AFAP1L2: variants seen among roughly 807,000 people sequenced by gnomAD.
AFAP1L2 encodes actin filament-associated protein 1-like 2.
A neutral mutation model predicts 99.3 loss-of-function variants in AFAP1L2; 46 were observed. The observed-to-expected ratio is 0.46, with a 90% confidence interval of 0.37 to 0.59. The LOEUF is 0.59. Ranked by LOEUF, AFAP1L2 falls within the 20% of genes least tolerant of loss-of-function variation. The pLI is 0.00. For missense variants in AFAP1L2, 959 were observed against 1,034.9 expected (o/e 0.93, Z 1.01); for synonymous variants, 397 against 419.1 (o/e 0.95, Z 0.64).
rs2040767709 is a variant in AFAP1L2, at chr10:114,299,426, A to G, written c.1958-11T>C. 2 of 1,613,544 alleles carry G rather than the reference A, an allele frequency of 1.2e-6. No individual in the cohort carries two copies. The highest frequency in any genetic ancestry group is 8.5e-7 in the Non-Finnish European group (1 of 1,179,710). ...TGCCAAGCTTGATCTCTACAGACCC[A>G]GAGAGGGAAGCCCCAGGTAAGCAGA... is the stretch of plus-strand genomic sequence containing the variant. On this transcript the variant is annotated splice_polypyrimidine_tract_variant and intron_variant, in intron 15 of 18. Transcript: ENST00000304129.
intron 13 of AFAP1L2, 134 bp from the exon 14 acceptor site, chr10:114,300,824 G>C (rs887243520): frequency 1.6e-6 from 2 of 1,266,298 alleles, no homozygotes; most frequent in African/African-American, 3.0e-5. Context: ...CTGCTGGGGG[G>C]GCCACTGGCT....
At chr10:114,290,124 C>T (rs1239015095), downstream of AFAP1L2, 1 of 1,394,138 alleles carries the variant, frequency 7.2e-7, no homozygotes, top group East Asian at 2.6e-5. Context: ...GCTACCGGGG[C>T]AAAGGGAGAC....
At chr10:114,395,533 T>A (rs1353413371) in intron 1 of AFAP1L2, among the ~76,000 whole-genome samples, 1 of 152,176 alleles carries the variant, frequency 6.6e-6, no homozygotes, top group Non-Finnish European at 1.5e-5. Flanking sequence ...AATAAGCTCA[T>A]TCAACAATCT....
the AFAP1L2 span, chr10:114,285,852 C>T: frequency 1.5e-6 from 2 of 1,348,310 alleles, no homozygotes; most frequent in Middle Eastern, 2.6e-4. Context: ...CCATCTCCCT[C>T]CTGGGAGATG....
At chr10:114,347,903 AT>A (rs1189554950) in intron 1 of AFAP1L2, among the ~76,000 whole-genome samples, 1 of 152,196 alleles carries the variant, frequency 6.6e-6, no homozygotes, top group Non-Finnish European at 1.5e-5. Flanking sequence ...GTGTGCAACC[AT>A]TACCACTATC....
chr10:114,303,056 A>T (rs1214584404), intron 11 of AFAP1L2, among the ~76,000 whole-genome samples: 2 of 151,482 alleles, frequency 1.3e-5, no homozygotes, highest in African/African-American at 4.9e-5. Context: ...TGAATTTGGT[A>T]TTTTTTTTTC....
At position 114,295,280 on chromosome 10, in the gene AFAP1L2, A is replaced by C. The variant is rs1262706848; in HGVS notation, c.*762T>G. Reference sequence around the variant, plus strand: ...TAAAGAGTCACTTTAATCTCAAAAGATACTTTTCACTGTTCTAAATGACAG... The same window carrying C: ...TAAAGAGTCACTTTAATCTCAAAAGCTACTTTTCACTGTTCTAAATGACAG... On this transcript the variant is annotated 3_prime_UTR_variant, in exon 19 of 19. Transcript: ENST00000304129. The C allele has an allele frequency of 1.0e-6, 1 of 984,886 alleles. No individual in the cohort carries two copies. The highest frequency in any genetic ancestry group is 1.2e-6 in the Non-Finnish European group (1 of 829,120). 61.0% of individuals were successfully genotyped at this position (984,886 alleles called of 1,614,324 possible).
chr10:114,331,958 T>G, intron 3 of AFAP1L2, 61 bp from the exon 4 acceptor site: 6 of 1,125,700 alleles, frequency 5.3e-6, no homozygotes, highest in Non-Finnish European at 5.7e-6. Context: ...CAGGGTCTCC[T>G]TCCTCAGGAA....
intron 1 of AFAP1L2, among the ~76,000 whole-genome samples, chr10:114,379,056 C>CA (rs11404390): frequency 0.46 from 69,855 of 151,578 alleles, 18,057 homozygotes; most frequent in East Asian, 0.67. Flanking sequence ...ACTAAAAATA[C>CA]AAAAAAATTA....
chr10:114,375,803 G>T (rs1180096059), intron 1 of AFAP1L2, among the ~76,000 whole-genome samples: 1 of 152,022 alleles, frequency 6.6e-6, no homozygotes, highest in Non-Finnish European at 1.5e-5. Flanking sequence ...GCAAGACCTT[G>T]CCTCTACTAA....
intron 1 of AFAP1L2, among the ~76,000 whole-genome samples, chr10:114,395,767 G>A (rs1424711836): frequency 6.6e-6 from 1 of 152,098 alleles, no homozygotes; most frequent in Non-Finnish European, 1.5e-5. Context: ...GCAGCCCAGG[G>A]AAGGAAACAT....
chr10:114,306,307 A>T (rs2042378767), intron 10 of AFAP1L2, among the ~76,000 whole-genome samples: 1 of 104,126 alleles, frequency 9.6e-6, no homozygotes, highest in Non-Finnish European at 2.0e-5. Context: ...GCAGGAGGGG[A>T]CGCAGATCCA....
At chr10:114,320,761 C>T (rs561223120) in intron 5 of AFAP1L2, among the ~76,000 whole-genome samples, 1 of 152,342 alleles carries the variant, frequency 6.6e-6, no homozygotes, top group Admixed American at 6.5e-5. Context: ...ACCCACAAAC[C>T]GGCCCCCTGG....
chr10:114,310,457 G>A lies in AFAP1L2; in HGVS notation c.793-14C>T. The A allele has an allele frequency of 6.2e-7, 1 of 1,611,084 alleles. No individual in the cohort carries two copies. The highest frequency in any genetic ancestry group is 8.5e-7 in the Non-Finnish European group (1 of 1,178,692). Reference sequence around the variant, plus strand: ...TTCCTGGATGACCTGAGGCAAGAGGGAAGCCGTCAGCAGAGGCTGAGGTCC... The same window carrying A: ...TTCCTGGATGACCTGAGGCAAGAGGAAAGCCGTCAGCAGAGGCTGAGGTCC... On this transcript the variant is annotated splice_polypyrimidine_tract_variant and intron_variant, in intron 7 of 18. Transcript: ENST00000304129.
At chr10:114,286,768 C>A in the AFAP1L2 span, among the ~76,000 whole-genome samples, 5 of 152,196 alleles carry the variant, frequency 3.3e-5, no homozygotes, top group African/African-American at 1.2e-4. Flanking sequence ...ACAGAGTAAG[C>A]ACTCAGCAAA....
chr10:114,359,203 G>A (rs1490242882), intron 1 of AFAP1L2, among the ~76,000 whole-genome samples: 1 of 152,234 alleles, frequency 6.6e-6, no homozygotes, highest in East Asian at 1.9e-4. Flanking sequence ...ACAGGTTTAT[G>A]AGCAAATCCA....
the AFAP1L2 span, among the ~76,000 whole-genome samples, chr10:114,288,305 G>A: frequency 6.6e-5 from 10 of 152,254 alleles, no homozygotes; most frequent in East Asian, 1.9e-4. Flanking sequence ...CCACGCTGCC[G>A]ACATCATTTG....
chr10:114,295,148 A>T lies in AFAP1L2; in HGVS notation c.*894T>A. 1 of 985,816 alleles carries T rather than the reference A, an allele frequency of 1.0e-6. No homozygotes were observed. The allele number at this position is 985,816 out of a possible 1,614,324, so 61.1% of individuals were successfully genotyped here. On this transcript the variant is annotated 3_prime_UTR_variant, in exon 19 of 19. Coordinates refer to ENST00000304129, the MANE Select transcript of AFAP1L2 (RefSeq NM_001001936.3). ...TGTTCTTGGAAGGAGAATGAACATTAAACAGAACTTAAAATCAGAGACTAT... is the reference window on the plus strand; with the variant it reads ...TGTTCTTGGAAGGAGAATGAACATTTAACAGAACTTAAAATCAGAGACTAT...
At chr10:114,308,005 C>CACTGGTAGGA in intron 9 of AFAP1L2, 96 bp from the exon 10 acceptor site, 3 of 990,634 alleles carry the variant, frequency 3.0e-6, no homozygotes, top group Non-Finnish European at 4.8e-6. Flanking sequence ...TCCACTCCAT[C>CACTGGTAGGA]CACCCATCCC....
Sources: gnomAD v4.1 joint callset for allele counts (sites outside exome capture counted in the v4.1 genomes callset) on GRCh38, gnomAD v4.1.1 for gene constraint, MANE v1.5 for transcripts, NCBI Gene and HGNC (gene_info 2026-07-23, HGNC 2026-07-21) for gene names.